Variants in MAST4 observed in about 807,000 individuals in gnomAD.
MAST4 encodes the protein microtubule associated serine/threonine kinase family member 4, also known as microtubule-associated serine/threonine-protein kinase 4.
A neutral mutation model predicts 162.7 loss-of-function variants in MAST4; 89 were observed. The observed-to-expected ratio is 0.55, with a 90% CI of 0.46 to 0.65. The LOEUF (loss-of-function observed/expected upper bound fraction) is 0.65, where lower values mean the gene tolerates loss of function less well. MAST4 is among the 30% of genes least tolerant of loss of function. The probability of loss-of-function intolerance (pLI) is 0.00; values close to 1 mark genes in which losing one functional copy is unlikely to be tolerated. For missense variants in MAST4, 3,153 were observed against 3,374.0 expected, an observed-to-expected ratio of 0.93 and a Z score of 1.62; for synonymous variants, 1,479 against 1,361.1, an observed-to-expected ratio of 1.09 and a Z score of -1.91.
At chr5:67,064,634 T>G (rs1270874387) in intron 5 of MAST4, among the ~76,000 whole-genome samples, 1 of 152,256 alleles carries the variant, frequency 6.6e-6, no homozygotes, top group African/African-American at 2.4e-5. Context: ...ATTGCTAAGC[T>G]GAATGGAGGC....
chr5:66,720,291 T>C (rs1751114006), intron 1 of MAST4, among the ~76,000 whole-genome samples: 1 of 152,242 alleles, frequency 6.6e-6, no homozygotes. Flanking sequence ...ATGGGGAAAC[T>C]TTCCTTGATT....
At chr5:66,622,587 A>G (rs1470905309) in intron 1 of MAST4, among the ~76,000 whole-genome samples, 1 of 152,198 alleles carries the variant, frequency 6.6e-6, no homozygotes, top group African/African-American at 2.4e-5. Context: ...TTACTGCAGT[A>G]ATCAGGTTAG....
chr5:66,985,856 T>C (rs1419188077), intron 4 of MAST4, among the ~76,000 whole-genome samples: 1 of 152,210 alleles, frequency 6.6e-6, no homozygotes, highest in Non-Finnish European at 1.5e-5. Flanking sequence ...GCAGGTGGTA[T>C]AGCAACAAGG....
At chr5:67,033,348 T>TGTGTGTGTGTC (rs397936281) in intron 4 of MAST4, among the ~76,000 whole-genome samples, 4 of 49,716 alleles carry the variant, frequency 8.0e-5, no homozygotes, top group Non-Finnish European at 1.8e-4. Flanking sequence ...TGTGTGTGGC[T>TGTGTGTGTGTC]TTTTTTTTTT....
chr5:66,776,885 G>A (rs915783499), intron 2 of MAST4, among the ~76,000 whole-genome samples: 4 of 152,144 alleles, frequency 2.6e-5, no homozygotes, highest in Non-Finnish European at 4.4e-5. Context: ...GATGGGGGAA[G>A]GTAAGGGTAA....
intron 3 of MAST4, among the ~76,000 whole-genome samples, chr5:66,851,999 T>C (rs983838123): frequency 6.6e-6 from 1 of 152,142 alleles, no homozygotes. Flanking sequence ...CCATGAACAG[T>C]TTTAGTACTG....
chr5:66,850,318 G>A (rs575017667), intron 3 of MAST4, among the ~76,000 whole-genome samples: 1 of 152,172 alleles, frequency 6.6e-6, no homozygotes, highest in Admixed American at 6.5e-5. Context: ...ATGAACTGAA[G>A]TTATCAAAAT....
At chr5:66,753,102 A>T (rs1417980858) in intron 1 of MAST4, among the ~76,000 whole-genome samples, 1 of 151,940 alleles carries the variant, frequency 6.6e-6, no homozygotes, top group Non-Finnish European at 1.5e-5. Context: ...TTTGAAACCA[A>T]CGAGAACAAA....
At chr5:67,076,632 C>T (rs1761682904) in intron 5 of MAST4, among the ~76,000 whole-genome samples, 1 of 152,160 alleles carries the variant, frequency 6.6e-6, no homozygotes, top group Non-Finnish European at 1.5e-5. Flanking sequence ...GCCACAGCCA[C>T]TGGTTCCAGG....
chr5:66,704,214 G>A (rs1471833933), intron 1 of MAST4, among the ~76,000 whole-genome samples: 1 of 152,134 alleles, frequency 6.6e-6, no homozygotes, highest in African/African-American at 2.4e-5. Flanking sequence ...ACACCGTTGG[G>A]TTGACTCATT....
intron 1 of MAST4, among the ~76,000 whole-genome samples, chr5:66,752,090 A>G (rs911927885): frequency 6.6e-6 from 1 of 152,212 alleles, no homozygotes; most frequent in Non-Finnish European, 1.5e-5. Context: ...AGACAAGCAA[A>G]TGCTGAGAAA....
chr5:66,971,142 C>T (rs1747384808), intron 4 of MAST4, among the ~76,000 whole-genome samples: 1 of 152,146 alleles, frequency 6.6e-6, no homozygotes, highest in Admixed American at 6.6e-5. Flanking sequence ...GGATTTGTTA[C>T]TGTGTCTGGA....
chr5:66,821,591 G>C (rs1047026713), intron 3 of MAST4, among the ~76,000 whole-genome samples: 3 of 152,192 alleles, frequency 2.0e-5, no homozygotes, highest in African/African-American at 7.2e-5. Context: ...CGGTAGTATT[G>C]TAATATTATG....
At chr5:66,688,784 A>G (rs983807216) in intron 1 of MAST4, among the ~76,000 whole-genome samples, 4 of 151,978 alleles carry the variant, frequency 2.6e-5, no homozygotes, top group Admixed American at 6.6e-5. Context: ...CTCTTAGGCA[A>G]TGGGAGGGGT....
At chr5:66,852,702 T>G (rs1303554368) in intron 3 of MAST4, among the ~76,000 whole-genome samples, 1 of 152,242 alleles carries the variant, frequency 6.6e-6, no homozygotes, top group East Asian at 1.9e-4. Context: ...ATAAATCTTT[T>G]GTATAGAAAA....
intron 3 of MAST4, among the ~76,000 whole-genome samples, chr5:66,878,080 T>C (rs1363037461): frequency 6.6e-6 from 1 of 152,212 alleles, no homozygotes; most frequent in African/African-American, 2.4e-5. Context: ...CCTCCTGTTA[T>C]CAAAGGATAA....
intron 1 of MAST4, among the ~76,000 whole-genome samples, chr5:66,665,544 A>G (rs918724992): frequency 3.0e-4 from 45 of 152,180 alleles, no homozygotes; most frequent in Non-Finnish European, 7.3e-5. Context: ...TAATAGCAAC[A>G]TCTCTCTCAT....
At position 66,788,761 on chromosome 5, in the gene MAST4, G is replaced by A; in HGVS notation, c.609G>A (p.Leu203=). The A allele has an allele frequency of 1.2e-6, 2 of 1,605,946 alleles. No homozygotes were observed. The highest frequency in any genetic ancestry group is 1.7e-6 in the Non-Finnish European group (2 of 1,175,514). The change falls in exon 3 of 29, where the codon CTG becomes CTA. Residue 203 remains leucine, a synonymous_variant. Transcript: ENST00000403625. ...TCGTGCGCATGCGCAGCCAGGCCCTGGGCCAGTCGGCGCCCTCGCTCACCG... is the reference window on the plus strand; with the variant it reads ...TCGTGCGCATGCGCAGCCAGGCCCTAGGCCAGTCGGCGCCCTCGCTCACCG... ...SNLVRMRSQA[L]GQSAPSLTAS... is the part of the protein sequence containing the mutation.
At chr5:66,836,567 G>C (rs1369731170) in intron 3 of MAST4, among the ~76,000 whole-genome samples, 1 of 152,118 alleles carries the variant, frequency 6.6e-6, no homozygotes, top group Non-Finnish European at 1.5e-5. Context: ...TGGTAGACTG[G>C]ATAAAGAAAA....
Sources: gnomAD v4.1 joint callset for allele counts (sites outside exome capture counted in the v4.1 genomes callset) on GRCh38, gnomAD v4.1.1 for gene constraint, MANE v1.5 for transcripts, NCBI Gene and HGNC (gene_info 2026-07-23, HGNC 2026-07-21) for gene names.